The following KCNIP4 variants were observed in gnomAD, a reference collection of about 807,000 sequenced individuals.
The protein encoded by KCNIP4 is Kv channel-interacting protein 4.
Under a neutral mutation model 34.0 loss-of-function variants are expected in KCNIP4, and 12 were observed. That is an observed-to-expected ratio of 0.35 (90% CI 0.23 to 0.57). The LOEUF is 0.57. Ranked by LOEUF, KCNIP4 falls within the 20% of genes least tolerant of loss-of-function variation. The pLI, the probability that KCNIP4 is intolerant of heterozygous loss-of-function variation, is 0.83. For missense variants in KCNIP4, 238 were observed against 311.7 expected, an observed-to-expected ratio of 0.76 and a Z score of 1.78; for synonymous variants, 124 against 102.2, an observed-to-expected ratio of 1.21 and a Z score of -1.29.
chr4:20,828,382 G>C (rs899196995), intron 3 of KCNIP4, among the ~76,000 whole-genome samples: 6 of 152,176 alleles, frequency 3.9e-5, no homozygotes, highest in Admixed American at 2.0e-4. Context: ...ACCCGAGATC[G>C]TGCCACTGCA....
intron 1 of KCNIP4, among the ~76,000 whole-genome samples, chr4:21,440,064 C>A (rs1384253392): frequency 3.3e-5 from 5 of 152,138 alleles, no homozygotes; most frequent in Non-Finnish European, 7.3e-5. Context: ...ATTCTCTGAC[C>A]CAATGACAAA....
At chr4:20,878,676 A>G (rs758141598) in intron 2 of KCNIP4, among the ~76,000 whole-genome samples, 21 of 152,324 alleles carry the variant, frequency 1.4e-4, no homozygotes, top group Non-Finnish European at 2.5e-4. Context: ...ATGAATGACC[A>G]AATAACGAAA....
At chr4:20,919,715 A>AG (rs1271973177) in intron 1 of KCNIP4, among the ~76,000 whole-genome samples, 1 of 151,888 alleles carries the variant, frequency 6.6e-6, no homozygotes, top group East Asian at 1.9e-4. Flanking sequence ...AAAAAAAAAA[A>AG]AAAAAAAAGA....
At chr4:21,608,418 A>G (rs1743883706) in intron 1 of KCNIP4, among the ~76,000 whole-genome samples, 1 of 152,204 alleles carries the variant, frequency 6.6e-6, no homozygotes, top group Admixed American at 6.5e-5. Context: ...CCTTGATGTC[A>G]GCTAAGGACC....
At chr4:21,254,689 A>C (rs1760942302) in intron 1 of KCNIP4, among the ~76,000 whole-genome samples, 1 of 152,160 alleles carries the variant, frequency 6.6e-6, no homozygotes, top group South Asian at 2.1e-4. Context: ...TAAGCTTCAC[A>C]AATGACAGCA....
chr4:21,122,220 T>C (rs557599278), intron 1 of KCNIP4, among the ~76,000 whole-genome samples: 3 of 151,490 alleles, frequency 2.0e-5, no homozygotes, highest in Admixed American at 6.6e-5. Flanking sequence ...ATCAATATTT[T>C]CCCCCAGGTA....
intron 1 of KCNIP4, among the ~76,000 whole-genome samples, chr4:21,880,300 T>C (rs879938759): frequency 2.0e-5 from 3 of 152,184 alleles, no homozygotes; most frequent in Non-Finnish European, 4.4e-5. Flanking sequence ...AAAATATAAT[T>C]ATCATGGTAA....
intron 1 of KCNIP4, among the ~76,000 whole-genome samples, chr4:21,462,158 C>T (rs943856734): frequency 1.2e-4 from 18 of 151,988 alleles, no homozygotes; most frequent in African/African-American, 3.6e-4. Flanking sequence ...TCTAAGTAAC[C>T]GTAACTTTCT....
At chr4:20,917,803 C>T (rs911093400) in intron 1 of KCNIP4, among the ~76,000 whole-genome samples, 1 of 152,080 alleles carries the variant, frequency 6.6e-6, no homozygotes, top group Non-Finnish European at 1.5e-5. Context: ...AAGTGTGATT[C>T]TTCTGTGAAA....
chr4:21,150,996 T>C (rs967489550), intron 1 of KCNIP4, among the ~76,000 whole-genome samples: 12 of 151,316 alleles, frequency 7.9e-5, no homozygotes, highest in African/African-American at 2.2e-4. Flanking sequence ...GTTTTGTTTC[T>C]GTCTAAAAAT....
intron 1 of KCNIP4, among the ~76,000 whole-genome samples, chr4:21,824,636 C>T (rs1224352216): frequency 3.9e-5 from 6 of 152,146 alleles, no homozygotes; most frequent in Non-Finnish European, 5.9e-5. Flanking sequence ...CATTTAAAAA[C>T]CCCAGTCTCT....
At chr4:21,675,742 G>A (rs1749841475) in intron 1 of KCNIP4, among the ~76,000 whole-genome samples, 1 of 152,100 alleles carries the variant, frequency 6.6e-6, no homozygotes, top group African/African-American at 2.4e-5. Context: ...TGTTGATACG[G>A]ACATATGTGT....
intron 1 of KCNIP4, among the ~76,000 whole-genome samples, chr4:21,294,619 G>T (rs1338102827): frequency 6.6e-6 from 1 of 152,030 alleles, no homozygotes; most frequent in Non-Finnish European, 1.5e-5. Flanking sequence ...AAAATGGTGA[G>T]GTCCTCACCT....
At chr4:21,313,821 G>T (rs914600414) in intron 1 of KCNIP4, among the ~76,000 whole-genome samples, 2 of 152,178 alleles carry the variant, frequency 1.3e-5, no homozygotes, top group African/African-American at 4.8e-5. Context: ...TGATAACTCA[G>T]GATGGCACCT....
rs527385773 is a variant in KCNIP4, at chr4:21,499,330, C to CAAAAAAAAAAAAAA, written c.61+449227_61+449240dup. The stretch of plus-strand genomic sequence containing the variant: ...TGGGTGACAGAGTAAGACTCCATCT[C>CAAAAAAAAAAAAAA]AAAAAAAAAAAAAAAACAACTACAT... On this transcript the variant is annotated intron_variant, in intron 1 of 8. Coordinates refer to ENST00000382152, the MANE Select transcript of KCNIP4 (RefSeq NM_025221.6). Among the ~76,000 whole-genome samples, 242 of 98,152 alleles carry CAAAAAAAAAAAAAA rather than the reference C, an allele frequency of 2.5e-3. 6 individuals are homozygous for CAAAAAAAAAAAAAA. Among genetic ancestry groups the CAAAAAAAAAAAAAA allele is most frequent in the African/African-American group, 8.6e-3 (215 of 24,898 alleles). 64.4% of individuals were successfully genotyped at this position (98,152 alleles called of 152,430 possible).
intron 1 of KCNIP4, among the ~76,000 whole-genome samples, chr4:21,897,753 A>G (rs1727479612): frequency 6.6e-6 from 1 of 152,178 alleles, no homozygotes; most frequent in African/African-American, 2.4e-5. Context: ...AGGAACTCCA[A>G]ATTGAGCAAC....
chr4:21,845,646 C>T (rs10938860), intron 1 of KCNIP4: 60 of 152,022 alleles, frequency 3.9e-4, no homozygotes, highest in African/African-American at 1.4e-3. Context: ...TTTACTTTTC[C>T]GAGCACCTTA....
chr4:20,805,178 G>A (rs1486731914), intron 3 of KCNIP4, among the ~76,000 whole-genome samples: 3 of 133,558 alleles, frequency 2.2e-5, no homozygotes, highest in Non-Finnish European at 4.7e-5. Context: ...AAATATCATA[G>A]ATGCTTCCTT....
chr4:21,813,565 T>A (rs1194786363), intron 1 of KCNIP4, among the ~76,000 whole-genome samples: 1 of 152,120 alleles, frequency 6.6e-6, no homozygotes, highest in African/African-American at 2.4e-5. Context: ...AAAGATCCAT[T>A]TGTACTCATG....
Sources: allele counts gnomAD v4.1 joint callset (sites outside exome capture counted in the v4.1 genomes callset), GRCh38; gene constraint gnomAD v4.1.1; transcripts MANE v1.5; gene names NCBI Gene and HGNC (gene_info 2026-07-23, HGNC 2026-07-21).